The following LINC00305 variants were observed in gnomAD, a reference collection of about 807,000 sequenced individuals.
The protein encoded by LINC00305 is long intergenic non-protein coding RNA 305.
At chr18:64,080,386 A>G (rs1425060040) in exon 4 of LINC00305, 1 of 457,054 alleles carries the variant, frequency 2.2e-6, no homozygotes, top group East Asian at 7.0e-5. Flanking sequence ...AACCTTTTGA[A>G]AGGTTCTTCC....
chr18:64,132,641 T>C (rs1258654901), intron 1 of LINC00305, among the ~76,000 whole-genome samples: 1 of 152,196 alleles, frequency 6.6e-6, no homozygotes, highest in Non-Finnish European at 1.5e-5. Context: ...TGAATTAGTA[T>C]GCAGTGTAGC....
At chr18:64,134,428 G>C (rs1568116924) in intron 1 of LINC00305, among the ~76,000 whole-genome samples, 1 of 152,132 alleles carries the variant, frequency 6.6e-6, no homozygotes, top group Non-Finnish European at 1.5e-5. Context: ...TGCTTCCCTA[G>C]CTGGAGAAGA....
intron 1 of LINC00305, among the ~76,000 whole-genome samples, chr18:64,139,868 T>C (rs1015675006): frequency 3.9e-5 from 6 of 152,120 alleles, no homozygotes; most frequent in African/African-American, 1.4e-4. Flanking sequence ...TTCTTCCCAA[T>C]CTTCCAATAG....
exon 2 of LINC00305, chr18:64,098,617 G>A: frequency 2.3e-6 from 1 of 429,700 alleles, no homozygotes; most frequent in Non-Finnish European, 4.7e-6. Context: ...TCATATCCAG[G>A]GGTGGAACCA....
intron 1 of LINC00305, among the ~76,000 whole-genome samples, chr18:64,134,877 C>T (rs2051425380): frequency 6.6e-6 from 1 of 152,170 alleles, no homozygotes; most frequent in African/African-American, 2.4e-5. Flanking sequence ...TTGAAACAAT[C>T]AGGCTAAGCT....
intron 1 of LINC00305, among the ~76,000 whole-genome samples, chr18:64,136,218 C>T (rs2051433145): frequency 6.6e-6 from 1 of 152,142 alleles, no homozygotes; most frequent in Admixed American, 6.6e-5. Context: ...TGATACAGGA[C>T]TTGTTTAGGT....
intron 3 of LINC00305, among the ~76,000 whole-genome samples, chr18:64,081,684 A>C (rs1250815064): frequency 6.6e-6 from 1 of 152,250 alleles, no homozygotes; most frequent in Non-Finnish European, 1.5e-5. Context: ...AAGTAGTTAA[A>C]AGAATTTGAG....
chr18:64,122,739 A>G (rs1329258370), intron 1 of LINC00305, among the ~76,000 whole-genome samples: 1 of 152,064 alleles, frequency 6.6e-6, no homozygotes, highest in Non-Finnish European at 1.5e-5. Context: ...TGGTATTTTG[A>G]TAGAGATTAC....
intron 3 of LINC00305, among the ~76,000 whole-genome samples, chr18:64,081,902 A>C (rs1261188972): frequency 6.6e-6 from 1 of 152,204 alleles, no homozygotes; most frequent in Non-Finnish European, 1.5e-5. Context: ...GAAAAAACCC[A>C]AAAACAAACA....
chr18:64,143,700 C>CATATGTATGTACACGTATTATGCGTACAT (rs529462132), intron 1 of LINC00305, among the ~76,000 whole-genome samples: 19 of 127,024 alleles, frequency 1.5e-4, no homozygotes, highest in African/African-American at 4.4e-4. Flanking sequence ...ATTATGCGTA[C>CATATGTATGTACACGTATTATGCGTACAT]ATGTATGTCC....
At chr18:64,095,991 A>T (rs1306195984) in intron 3 of LINC00305, among the ~76,000 whole-genome samples, 1 of 152,096 alleles carries the variant, frequency 6.6e-6, no homozygotes, top group Non-Finnish European at 1.5e-5. Flanking sequence ...AAATGGGAAA[A>T]ATGCTAGAAG....
rs1312553835 is a variant in LINC00305 at position 64,080,317 on chromosome 18, CCTCTT to C, written n.621_625del. On this transcript the variant is annotated non_coding_transcript_exon_variant, in exon 4 of 4. Transcript: ENST00000666468. ...GTCATCCAGCTTAGTGATCTCCTTT[CCTCTT>C]CTCTTTGACAACCATGTGGCTTTCT... The C allele has an allele frequency of 1.3e-5, 6 of 457,592 alleles. No individual in the cohort carries two copies. In the Admixed American group the frequency reaches 1.4e-4, roughly 11 times the overall value. The allele number at this position is 457,592 out of a possible 1,614,324, so 28.3% of individuals were successfully genotyped here.
chr18:64,122,930 A>G (rs1186401168), intron 1 of LINC00305, among the ~76,000 whole-genome samples: 1 of 151,990 alleles, frequency 6.6e-6, no homozygotes, highest in African/African-American at 2.4e-5. Context: ...ATATACTTAG[A>G]TATTTCATTA....
chr18:64,088,069 G>T (rs1266864085), intron 3 of LINC00305, among the ~76,000 whole-genome samples: 2 of 152,156 alleles, frequency 1.3e-5, no homozygotes, highest in African/African-American at 2.4e-5. Context: ...CTTGCCGGGA[G>T]GCGGAGCTTG....
chr18:64,107,405 A>C (rs556665605), intron 1 of LINC00305, among the ~76,000 whole-genome samples: 158 of 152,208 alleles, frequency 1.0e-3, no homozygotes, highest in Non-Finnish European at 1.4e-3. Flanking sequence ...ATACTGGTGA[A>C]TCAGCATAGT....
chr18:64,111,434 A>G (rs2051314204), intron 1 of LINC00305, among the ~76,000 whole-genome samples: 1 of 152,234 alleles, frequency 6.6e-6, no homozygotes, highest in Non-Finnish European at 1.5e-5. Context: ...GCATGAGGAC[A>G]GCAGAAGCTT....
chr18:64,124,051 A>G (rs1033963121), intron 1 of LINC00305, among the ~76,000 whole-genome samples: 1 of 152,020 alleles, frequency 6.6e-6, no homozygotes, highest in Non-Finnish European at 1.5e-5. Flanking sequence ...TCATGAGTTA[A>G]ATAAACTTAT....
At chr18:64,099,781 T>C (rs1197339090) in intron 1 of LINC00305, among the ~76,000 whole-genome samples, 1 of 152,176 alleles carries the variant, frequency 6.6e-6, no homozygotes, top group Non-Finnish European at 1.5e-5. Context: ...AATGTTTACA[T>C]CCTTCAAGTT....
At chr18:64,104,902 C>T (rs2051283225) in intron 1 of LINC00305, among the ~76,000 whole-genome samples, 1 of 151,980 alleles carries the variant, frequency 6.6e-6, no homozygotes, top group African/African-American at 2.4e-5. Flanking sequence ...CCTCCAGGCC[C>T]TGTGGAATTG....
Sources: gnomAD v4.1 joint callset for allele counts (sites outside exome capture counted in the v4.1 genomes callset) on GRCh38, gnomAD v4.1.1 for gene constraint, MANE v1.5 for transcripts, NCBI Gene and HGNC (gene_info 2026-07-23, HGNC 2026-07-21) for gene names.